The following GPC6 variants were observed in gnomAD, a reference collection of about 807,000 sequenced individuals.
GPC6 encodes the protein glypican 6.
In GPC6, 14 loss-of-function variants were observed where a neutral mutation model predicts 55.2. That is an observed-to-expected ratio of 0.25 (90% confidence interval 0.17 to 0.40). GPC6 has a LOEUF of 0.40. Among genes scored for constraint, GPC6 ranks in the 10% least tolerant of loss-of-function variants. GPC6 has a pLI of 1.00. For synonymous variants in GPC6, 278 were observed against 259.6 expected (o/e 1.07, Z -0.68); for missense variants, 641 against 708.5 (o/e 0.90, Z 1.08).
intron 3 of GPC6, among the ~76,000 whole-genome samples, chr13:93,879,050 A>C (rs1173076690): frequency 6.6e-6 from 1 of 152,090 alleles, no homozygotes; most frequent in African/African-American, 2.4e-5. Flanking sequence ...TCAAAAAAGC[A>C]AGAAACTTCC....
intron 4 of GPC6, among the ~76,000 whole-genome samples, chr13:94,031,076 G>C (rs565921134): frequency 2.0e-5 from 3 of 148,404 alleles, no homozygotes. Context: ...GTGCGTGTGC[G>C]TGTGCGTGTG....
At chr13:93,285,646 G>GTGTGTGTGTA (rs1878097739) in intron 1 of GPC6, among the ~76,000 whole-genome samples, 1 of 107,214 alleles carries the variant, frequency 9.3e-6, no homozygotes, top group African/African-American at 3.7e-5. Flanking sequence ...GTGTGTGTGT[G>GTGTGTGTGTA]TGTGTGTGTG....
intron 6 of GPC6, among the ~76,000 whole-genome samples, chr13:94,311,452 A>C (rs2139118269): frequency 6.6e-6 from 1 of 152,284 alleles, no homozygotes; most frequent in Middle Eastern, 3.4e-3. Flanking sequence ...TACAGGCGAG[A>C]GCCACTGTGT....
intron 4 of GPC6, among the ~76,000 whole-genome samples, chr13:94,125,136 A>G (rs1348436118): frequency 5.3e-5 from 8 of 152,176 alleles, no homozygotes; most frequent in Admixed American, 1.3e-4. Flanking sequence ...TACTTTTACA[A>G]GACACTGTAT....
At chr13:94,065,437 G>A (rs1053076559) in intron 4 of GPC6, among the ~76,000 whole-genome samples, 1 of 152,096 alleles carries the variant, frequency 6.6e-6, no homozygotes, top group African/African-American at 2.4e-5. Flanking sequence ...GGTCTTGCAT[G>A]GTATTCCTGT....
At chr13:93,235,590 T>G (rs1876206671) in intron 1 of GPC6, among the ~76,000 whole-genome samples, 2 of 149,410 alleles carry the variant, frequency 1.3e-5, no homozygotes, top group Non-Finnish European at 1.5e-5. Flanking sequence ...ATGAGAGGAG[T>G]GAAGAAGGGG....
intron 6 of GPC6, among the ~76,000 whole-genome samples, chr13:94,317,714 A>AT (rs1365053307): frequency 6.6e-6 from 1 of 152,170 alleles, no homozygotes; most frequent in Non-Finnish European, 1.5e-5. Context: ...CAGTATAATC[A>AT]TTTTTTAAAG....
At chr13:93,646,735 G>T (rs912894002) in intron 2 of GPC6, among the ~76,000 whole-genome samples, 4 of 151,888 alleles carry the variant, frequency 2.6e-5, no homozygotes, top group Non-Finnish European at 5.9e-5. Context: ...TGTGAGAAAG[G>T]TGTTGTTATT....
At chr13:93,362,261 T>G (rs1351780214) in intron 1 of GPC6, among the ~76,000 whole-genome samples, 1 of 152,200 alleles carries the variant, frequency 6.6e-6, no homozygotes, top group African/African-American at 2.4e-5. Context: ...AATTTCTCAG[T>G]TGCCCTGTAT....
intron 4 of GPC6, among the ~76,000 whole-genome samples, chr13:94,078,298 A>G (rs950244927): frequency 2.0e-5 from 3 of 151,940 alleles, no homozygotes; most frequent in African/African-American, 7.2e-5. Context: ...CAATAAACAC[A>G]TACATTAAAA....
At chr13:93,940,683 G>A (rs913128977) in intron 3 of GPC6, among the ~76,000 whole-genome samples, 7 of 152,244 alleles carry the variant, frequency 4.6e-5, no homozygotes, top group Non-Finnish European at 8.8e-5. Flanking sequence ...AACTGTAAAA[G>A]TATACTTATG....
intron 1 of GPC6, among the ~76,000 whole-genome samples, chr13:93,437,110 C>T (rs928749844): frequency 9.2e-5 from 14 of 152,228 alleles, no homozygotes; most frequent in Admixed American, 7.9e-4. Flanking sequence ...CACCATGAAT[C>T]ATGCCCATAT....
intron 1 of GPC6, among the ~76,000 whole-genome samples, chr13:93,457,642 C>CA (rs1292545417): frequency 2.0e-5 from 3 of 150,620 alleles, no homozygotes; most frequent in South Asian, 2.1e-4. Flanking sequence ...TTAGGACCAG[C>CA]AAAAAAAAAT....
rs1566767396 is a variant in GPC6 at position 94,404,928 on chromosome 13, G to A, written c.*1711G>A. ...CAGTTGGCTATCCATATGTTTCTTA[G>A]TTTTTATGATGCATCTGGAGTAGGG... On this transcript the variant is annotated 3_prime_UTR_variant, in exon 9 of 9. Transcript: ENST00000377047. The A allele has an allele frequency of 6.6e-6, 1 of 152,168 alleles. No homozygotes were observed. The highest frequency in any genetic ancestry group is 1.5e-5 in the Non-Finnish European group (1 of 68,020). 9.4% of individuals were successfully genotyped at this position (152,168 alleles called of 1,614,324 possible). A position where few individuals can be genotyped will look rare whatever the true frequency, so the allele number is the denominator to read the frequency against.
chr13:94,161,180 G>A (rs9584194), intron 4 of GPC6, among the ~76,000 whole-genome samples: 3 of 152,068 alleles, frequency 2.0e-5, no homozygotes, highest in South Asian at 2.1e-4. Context: ...ACTCTTGCAC[G>A]CATAAGGCTC....
intron 4 of GPC6, among the ~76,000 whole-genome samples, chr13:94,160,168 A>C (rs1283311686): frequency 6.6e-6 from 1 of 152,196 alleles, no homozygotes; most frequent in African/African-American, 2.4e-5. Context: ...ATATTGTTAT[A>C]ATTGTTCTAT....
intron 2 of GPC6, among the ~76,000 whole-genome samples, chr13:93,649,068 A>C (rs556900659): frequency 7.3e-4 from 111 of 152,324 alleles, no homozygotes; most frequent in African/African-American, 2.5e-3. Context: ...CTCTTTCTGC[A>C]TGATCAAGTA....
intron 2 of GPC6, among the ~76,000 whole-genome samples, chr13:93,821,603 G>A (rs1887048572): frequency 6.6e-6 from 1 of 152,194 alleles, no homozygotes. Context: ...TGCAACCACA[G>A]TACTCAACTG....
intron 3 of GPC6, among the ~76,000 whole-genome samples, chr13:93,949,745 T>G (rs2140371382): frequency 6.6e-6 from 1 of 152,312 alleles, no homozygotes; most frequent in South Asian, 2.1e-4. Context: ...AAAATTTTTT[T>G]GAGGCTGGGT....
Sources: gnomAD v4.1 joint callset for allele counts (sites outside exome capture counted in the v4.1 genomes callset) on GRCh38, gnomAD v4.1.1 for gene constraint, MANE v1.5 for transcripts, NCBI Gene and HGNC (gene_info 2026-07-23, HGNC 2026-07-21) for gene names.